UBAC2: variants seen among roughly 807,000 people sequenced by gnomAD.
UBAC2 encodes the protein UBA domain containing 2.
Under a neutral mutation model 44.0 loss-of-function variants are expected in UBAC2, and 26 were observed. The ratio of observed to expected loss-of-function variants is 0.59; its 90% CI spans 0.43 to 0.82. The LOEUF is 0.82. UBAC2 is among the 40% of genes least tolerant of loss of function. The probability of loss-of-function intolerance (pLI) is 0.00; values close to 1 mark genes in which losing one functional copy is unlikely to be tolerated. For synonymous variants in UBAC2, 155 were observed against 154.3 expected, an observed-to-expected ratio of 1.00 and a Z score of -0.04; for missense variants, 329 against 419.4, an observed-to-expected ratio of 0.78 and a Z score of 1.88.
chr13:99,320,436 A>T (rs1279498237), intron 6 of UBAC2, among the ~76,000 whole-genome samples: 1 of 152,192 alleles, frequency 6.6e-6, no homozygotes, highest in Non-Finnish European at 1.5e-5. Context: ...ATAATGTAGC[A>T]TTTTAAAGAA....
At chr13:99,291,022 G>A (rs1394093898) in intron 4 of UBAC2, among the ~76,000 whole-genome samples, 3 of 152,172 alleles carry the variant, frequency 2.0e-5, no homozygotes, top group Non-Finnish European at 4.4e-5. Context: ...TACTAACCAA[G>A]TTTCAGTAAG....
intron 6 of UBAC2, among the ~76,000 whole-genome samples, chr13:99,334,929 T>C (rs1447707024): frequency 6.6e-6 from 1 of 152,132 alleles, no homozygotes; most frequent in Non-Finnish European, 1.5e-5. Flanking sequence ...ATTAAAAGGA[T>C]GAAGATATAT....
chr13:99,314,734 A>T (rs2044465525), intron 5 of UBAC2: 1 of 152,898 alleles, frequency 6.5e-6, no homozygotes, highest in Non-Finnish European at 1.5e-5. Context: ...ACCATTTGCT[A>T]AATGGTTTGC....
chr13:99,232,103 A>C (rs2043179686), intron 1 of UBAC2, among the ~76,000 whole-genome samples: 1 of 152,166 alleles, frequency 6.6e-6, no homozygotes, highest in Admixed American at 6.5e-5. Flanking sequence ...TTTTTTAAAA[A>C]AGAAAATTGG....
chr13:99,295,685 A>T lies in UBAC2; in HGVS notation c.390-18412A>T. On this transcript the variant is annotated intron_variant, in intron 4 of 8. Transcript: ENST00000403766. The surrounding 1 kb of genome is among the most constrained non-coding windows in gnomAD (Gnocchi z 4.1). Reference sequence around the variant, plus strand: ...CTGAGCAAATACTAGAATCCAGACAAATATGCACACGCCTTTTGCATGTTC... The same window carrying T: ...CTGAGCAAATACTAGAATCCAGACATATATGCACACGCCTTTTGCATGTTC... 1 of 1,614,186 alleles carries T rather than the reference A, an allele frequency of 6.2e-7. No individual in the cohort carries two copies. The highest frequency in any genetic ancestry group is 8.5e-7 in the Non-Finnish European group (1 of 1,180,034).
intron 1 of UBAC2, among the ~76,000 whole-genome samples, chr13:99,219,954 G>T (rs142517074): frequency 6.6e-6 from 1 of 151,766 alleles, no homozygotes; most frequent in Non-Finnish European, 1.5e-5. Context: ...TTGTTCATTT[G>T]TTGATGGACA....
intron 6 of UBAC2, among the ~76,000 whole-genome samples, chr13:99,325,066 A>AATG (rs56315294): frequency 0.082 from 12,439 of 151,346 alleles, 594 homozygotes; most frequent in East Asian, 0.13. Context: ...ACAGGATTCA[A>AATG]ATGTAGGTAG....
chr13:99,365,412 C>A (rs1476426658), intron 7 of UBAC2, among the ~76,000 whole-genome samples: 1 of 151,934 alleles, frequency 6.6e-6, no homozygotes, highest in Non-Finnish European at 1.5e-5. Context: ...TTTCAGTTTT[C>A]TTTTTTTAAT....
chr13:99,354,083 G>A lies in UBAC2; in HGVS notation c.807+13518G>A, dbSNP rs539599678. On this transcript the variant is annotated intron_variant, in intron 7 of 8. Transcript: ENST00000403766. Reference sequence around the variant, plus strand: ...CACAGGGGATGCAGGCAGATCGTGGGTTTAGGATGGGGGAGGCCACCGCAC... The same window carrying A: ...CACAGGGGATGCAGGCAGATCGTGGATTTAGGATGGGGGAGGCCACCGCAC... Among the ~76,000 whole-genome samples, 351 of 152,374 alleles carry A rather than the reference G, an allele frequency of 2.3e-3. 2 individuals carry two copies. The highest frequency in any genetic ancestry group is 3.5e-3 in the Non-Finnish European group (241 of 68,032).
rs141901848 is a variant in UBAC2, at chr13:99,301,156, G to A, written c.390-12941G>A. 4.4e-3 allele frequency among the ~76,000 whole-genome samples: 667 copies of A among 152,234 alleles called. 7 individuals carry two copies. Among genetic ancestry groups the A allele is most frequent in the African/African-American group, 0.015 (635 of 41,538 alleles). Reference sequence around the variant, plus strand: ...AAAAGATGCACGTGGCCCCTCAGCCGTCCTTCGTGCTGCCCACACTGAGGG... The same window carrying A: ...AAAAGATGCACGTGGCCCCTCAGCCATCCTTCGTGCTGCCCACACTGAGGG... On this transcript the variant is annotated intron_variant, in intron 4 of 8. Coordinates refer to ENST00000403766, the MANE Select transcript of UBAC2 (RefSeq NM_001144072.2).
intron 7 of UBAC2, among the ~76,000 whole-genome samples, chr13:99,340,848 A>G (rs2044875308): frequency 6.6e-6 from 1 of 152,222 alleles, no homozygotes; most frequent in Non-Finnish European, 1.5e-5. Context: ...CTAGTTAACA[A>G]GATGTGCTAT....
chr13:99,287,837 G>T (rs1347390740), intron 4 of UBAC2, among the ~76,000 whole-genome samples: 2 of 151,770 alleles, frequency 1.3e-5, no homozygotes, highest in East Asian at 1.9e-4. Context: ...GGACCTTCTT[G>T]CCCTTGCTCC....
intron 7 of UBAC2, among the ~76,000 whole-genome samples, chr13:99,364,137 T>C (rs528625593): frequency 1.4e-5 from 2 of 145,392 alleles, no homozygotes; most frequent in African/African-American, 2.5e-5. Flanking sequence ...TGTGAGATTT[T>C]TGTTTGGGTT....
chr13:99,245,026 G>T (rs1289040650), intron 4 of UBAC2, among the ~76,000 whole-genome samples: 2 of 151,970 alleles, frequency 1.3e-5, no homozygotes, highest in Non-Finnish European at 2.9e-5. Flanking sequence ...TAGAGACAGG[G>T]TTTCACCATG....
chr13:99,382,231 T>G (rs2045560431), intron 8 of UBAC2, among the ~76,000 whole-genome samples: 1 of 152,196 alleles, frequency 6.6e-6, no homozygotes, highest in African/African-American at 2.4e-5. Context: ...AAATGAGAAT[T>G]GAAAATAATT....
At chr13:99,353,349 T>C (rs968340274) in intron 7 of UBAC2, among the ~76,000 whole-genome samples, 2 of 152,266 alleles carry the variant, frequency 1.3e-5, no homozygotes, top group African/African-American at 4.8e-5. Flanking sequence ...TTGATCATAC[T>C]GATCTTTTTG....
At chr13:99,301,923 A>T (rs1426908960) in intron 4 of UBAC2, among the ~76,000 whole-genome samples, 1 of 152,200 alleles carries the variant, frequency 6.6e-6, no homozygotes, top group Non-Finnish European at 1.5e-5. Flanking sequence ...TTATTTTAAT[A>T]ATCATCAACA....
intron 4 of UBAC2, chr13:99,261,751 A>G (rs1200791023): frequency 6.6e-6 from 1 of 152,450 alleles, no homozygotes; most frequent in Non-Finnish European, 1.5e-5. Context: ...TACTATTGGA[A>G]GAGAGATCCA....
intron 5 of UBAC2, among the ~76,000 whole-genome samples, chr13:99,317,267 A>G (rs2044505547): frequency 6.6e-6 from 1 of 152,036 alleles, no homozygotes; most frequent in Non-Finnish European, 1.5e-5. Flanking sequence ...TCAGAAGTAA[A>G]CCCCCAATCT....
Sources: allele counts gnomAD v4.1 joint callset (sites outside exome capture counted in the v4.1 genomes callset), GRCh38; gene constraint gnomAD v4.1.1; non-coding constraint Gnocchi (gnomAD v3.1); transcripts MANE v1.5; gene names NCBI Gene and HGNC (gene_info 2026-07-23, HGNC 2026-07-21).